SLCO3A1: variants seen among roughly 807,000 people sequenced by gnomAD.
SLCO3A1 encodes PGE1 transporter.
Under a neutral mutation model 63.1 loss-of-function variants are expected in SLCO3A1, and 27 were observed. The ratio of observed to expected loss-of-function variants is 0.43; its 90% confidence interval spans 0.32 to 0.59. The LOEUF is 0.59. Ranked by LOEUF, SLCO3A1 falls within the 20% of genes least tolerant of loss-of-function variation. The probability of loss-of-function intolerance (pLI) is 0.09; values close to 1 mark genes in which losing one functional copy is unlikely to be tolerated. For missense variants in SLCO3A1, 773 were observed against 945.8 expected (o/e 0.82, Z 2.40); for synonymous variants, 473 against 409.9 (o/e 1.15, Z -1.86).
chr15:91,858,381 G>A (rs186594377), intron 1 of SLCO3A1, among the ~76,000 whole-genome samples: 2,129 of 148,076 alleles, frequency 0.014, 63 homozygotes, highest in African/African-American at 0.049. Context: ...AAATTACCTT[G>A]ATTTTTTTTT....
intron 2 of SLCO3A1, among the ~76,000 whole-genome samples, chr15:92,073,937 G>A (rs2047245802): frequency 6.6e-6 from 1 of 152,242 alleles, no homozygotes; most frequent in Non-Finnish European, 1.5e-5. Context: ...GGGAGGCCAA[G>A]GCAGGTGGAT....
Position 92,072,203 on chromosome 15 carries a change from T to C in SLCO3A1, c.647-22678T>C, listed in dbSNP as rs548460495. On this transcript the variant is annotated intron_variant, in intron 2 of 9. Coordinates refer to ENST00000318445, the MANE Select transcript of SLCO3A1 (RefSeq NM_013272.4). ...GCGTAACCACCATTCTTTTTTTTGGTTTTTTTTTTTTTTCCTCACTGGCTA... is the reference window on the plus strand; with the variant it reads ...GCGTAACCACCATTCTTTTTTTTGGCTTTTTTTTTTTTTCCTCACTGGCTA... Among the ~76,000 whole-genome samples, 53 of 145,204 alleles carry C rather than the reference T, an allele frequency of 3.7e-4. No individual in the cohort carries two copies. In the East Asian group the frequency reaches 9.9e-3, roughly 27 times the overall value.
chr15:91,858,882 A>G (rs566070985), intron 1 of SLCO3A1, among the ~76,000 whole-genome samples: 4 of 152,370 alleles, frequency 2.6e-5, no homozygotes, highest in South Asian at 4.1e-4. Context: ...GAACAAGGGT[A>G]GTATTGCAAA....
rs553122789 is a variant in SLCO3A1, at chr15:91,854,501, G to A, written c.180+413G>A. The A allele has an allele frequency of 2.8e-6, 1 of 358,340 alleles. No homozygotes were observed. The highest frequency in any genetic ancestry group is 1.1e-4 in the South Asian group (1 of 8,824). 22.2% of individuals were successfully genotyped at this position (358,340 alleles called of 1,614,324 possible). ...GGGAAGAAAAACCAGTTAGCATCCT[G>A]CGTCCTCTACTCTCCATTGCATCCT... On this transcript the variant is annotated intron_variant, in intron 1 of 9. Transcript: ENST00000318445. This position sits in a 1 kb window ranked among gnomAD's most constrained non-coding sequence, Gnocchi z 6.4.
chr15:91,875,676 G>A lies in SLCO3A1; in HGVS notation c.180+21588G>A, dbSNP rs1475643985. ...CGTGTTTTGCTTTGAAGGTTTTGCC[G>A]TAACTCACAATAGAGAAACACAGGA... On this transcript the variant is annotated intron_variant, in intron 1 of 9. Transcript: ENST00000318445. The surrounding 1 kb of genome is among the most constrained non-coding windows in gnomAD (Gnocchi z 4.5). Among the ~76,000 whole-genome samples, 2 of 152,158 alleles carry A rather than the reference G, an allele frequency of 1.3e-5. No homozygotes were observed. Among genetic ancestry groups the A allele is most frequent in the African/African-American group, 2.4e-5 (1 of 41,420 alleles).
At chr15:92,004,526 T>C (rs1425652748) in intron 2 of SLCO3A1, among the ~76,000 whole-genome samples, 3 of 152,138 alleles carry the variant, frequency 2.0e-5, no homozygotes, top group Non-Finnish European at 4.4e-5. Flanking sequence ...GCTTGAGTAG[T>C]GTTGAAGAGA....
intron 1 of SLCO3A1, among the ~76,000 whole-genome samples, chr15:91,881,690 A>G (rs948995767): frequency 6.6e-6 from 1 of 152,144 alleles, no homozygotes; most frequent in Non-Finnish European, 1.5e-5. Context: ...CAGTCAGCAC[A>G]TGGTCTTTCT....
chr15:91,987,945 C>T (rs948389551), intron 2 of SLCO3A1, among the ~76,000 whole-genome samples: 3 of 151,906 alleles, frequency 2.0e-5, no homozygotes, highest in Admixed American at 2.0e-4. Flanking sequence ...TGGGATTTGC[C>T]GGCAAAGGAT....
intron 9 of SLCO3A1, 79 bp downstream of exon 9, chr15:92,151,093 C>T: frequency 1.0e-6 from 1 of 972,814 alleles, no homozygotes; most frequent in Non-Finnish European, 1.6e-6. Context: ...CAAATTATCC[C>T]ATTTCCTAGG....
intron 2 of SLCO3A1, among the ~76,000 whole-genome samples, chr15:91,991,767 G>A (rs550539568): frequency 3.9e-5 from 6 of 152,276 alleles, no homozygotes; most frequent in African/African-American, 9.6e-5. Flanking sequence ...TAGACTAGCC[G>A]CATATGACTA....
chr15:92,142,527 A>C (rs145107192), intron 7 of SLCO3A1, among the ~76,000 whole-genome samples: 75 of 152,318 alleles, frequency 4.9e-4, no homozygotes, highest in Non-Finnish European at 9.9e-4. Context: ...CACCTCCTGA[A>C]GAACCCCCAC....
At chr15:92,016,324 C>G (rs1340262013) in intron 2 of SLCO3A1, among the ~76,000 whole-genome samples, 1 of 148,668 alleles carries the variant, frequency 6.7e-6, no homozygotes, top group Non-Finnish European at 1.5e-5. Flanking sequence ...TAAACTAATG[C>G]ATATCAAACA....
chr15:91,951,046 A>C (rs998514071), intron 2 of SLCO3A1, among the ~76,000 whole-genome samples: 4 of 152,242 alleles, frequency 2.6e-5, no homozygotes, highest in Admixed American at 6.5e-5. Context: ...ATGAGGTAAC[A>C]GACTTAAATG....
At chr15:92,097,285 T>C (rs2047550812) in intron 3 of SLCO3A1, among the ~76,000 whole-genome samples, 1 of 152,148 alleles carries the variant, frequency 6.6e-6, no homozygotes, top group African/African-American at 2.4e-5. Context: ...GGAATGTATC[T>C]CTATAAAACC....
rs1597264804 is a variant in SLCO3A1, at chr15:92,053,788, T to C, written c.647-41093T>C. 2.6e-5 allele frequency among the ~76,000 whole-genome samples: 4 copies of C among 151,780 alleles called. No individual in the cohort carries two copies. In the East Asian group the frequency reaches 5.8e-4, roughly 22 times the overall value. The stretch of plus-strand genomic sequence containing the variant: ...GTAAATTGTCATTCTCATCCCATCA[T>C]ATCAAGGGCACATACAATCAGTAGG... On this transcript the variant is annotated intron_variant, in intron 2 of 9. Transcript: ENST00000318445.
chr15:92,093,732 T>C (rs2047505450), intron 2 of SLCO3A1, among the ~76,000 whole-genome samples: 1 of 152,064 alleles, frequency 6.6e-6, no homozygotes, highest in Non-Finnish European at 1.5e-5. Flanking sequence ...AGGAGCTCAG[T>C]AAAACTTGAC....
chr15:91,984,997 T>C (rs2046033891), intron 2 of SLCO3A1, among the ~76,000 whole-genome samples: 1 of 152,154 alleles, frequency 6.6e-6, no homozygotes, highest in Non-Finnish European at 1.5e-5. Context: ...ACATAAGTGC[T>C]TCATCTCAGA....
At chr15:92,070,800 TCTA>T (rs1459735151) in intron 2 of SLCO3A1, among the ~76,000 whole-genome samples, 1 of 152,194 alleles carries the variant, frequency 6.6e-6, no homozygotes, top group Non-Finnish European at 1.5e-5. Context: ...CCTTCATTCT[TCTA>T]GTCTATTCTC....
At chr15:92,076,596 C>T (rs930994238) in intron 2 of SLCO3A1, among the ~76,000 whole-genome samples, 9 of 152,196 alleles carry the variant, frequency 5.9e-5, no homozygotes, top group African/African-American at 1.7e-4. Context: ...CACTCTGCCC[C>T]CAGAGCCTGA....
Sources: allele counts gnomAD v4.1 joint callset (sites outside exome capture counted in the v4.1 genomes callset), GRCh38; gene constraint gnomAD v4.1.1; non-coding constraint Gnocchi (gnomAD v3.1); transcripts MANE v1.5; gene names NCBI Gene and HGNC (gene_info 2026-07-23, HGNC 2026-07-21).